The following GRM5 variants were observed in gnomAD, a reference collection of about 807,000 sequenced individuals.
The protein encoded by GRM5 is metabotropic glutamate receptor 5.
GRM5 carries 19 observed loss-of-function variants against 83.1 expected under a neutral mutation model. The observed-to-expected ratio is 0.23, with a 90% CI of 0.16 to 0.34. GRM5 has a LOEUF of 0.34. GRM5 is among the 10% of genes least tolerant of loss of function. GRM5 has a pLI of 1.00. For missense variants in GRM5, 1,160 were observed against 1,588.3 expected (o/e 0.73, Z 4.58); for synonymous variants, 675 against 633.6 (o/e 1.07, Z -0.98).
At chr11:88,523,808 C>T (rs1176898955) in intron 9 of GRM5, among the ~76,000 whole-genome samples, 3 of 152,052 alleles carry the variant, frequency 2.0e-5, no homozygotes, top group South Asian at 2.1e-4. Context: ...ATATGGTGGG[C>T]CTTGGAAAAA....
chr11:88,527,640 T>A (rs1050364634), intron 8 of GRM5, among the ~76,000 whole-genome samples: 2 of 152,134 alleles, frequency 1.3e-5, no homozygotes, highest in Non-Finnish European at 2.9e-5. Context: ...CACATCCATG[T>A]ATATGTTCAC....
At chr11:88,855,375 C>T (rs11021626) in intron 2 of GRM5, among the ~76,000 whole-genome samples, 2,762 of 151,868 alleles carry the variant, frequency 0.018, 45 homozygotes, top group East Asian at 0.068. Flanking sequence ...TTTACTAATG[C>T]TGTTCTTTCT....
rs779506168 is a variant in GRM5, at chr11:88,508,710, T to G, written c.3521A>C (p.Asp1174Ala). Residue 1174 changes from aspartate (D) to alanine (A), a missense_variant, in exon 10 of 10, where the codon GAC becomes GCC. Around this residue, in one of 9 missense-constraint regions of GRM5, gnomAD observed 562 missense variants for 532.4 expected, o/e 1.06. Transcript: ENST00000305447. This position sits in a 1 kb window ranked among gnomAD's most constrained non-coding sequence, Gnocchi z 4.2. ...CGAGTTGGGGGTTGTGCTCCCCGAGTCCACCGAGTCTCTGAAGGGGGACGG... is the reference window on the plus strand; with the variant it reads ...CGAGTTGGGGGTTGTGCTCCCCGAGGCCACCGAGTCTCTGAAGGGGGACGG... ...TPPSPFRDSVDSGSTTPNSPV... is the reference protein window; with the variant it reads ...TPPSPFRDSVASGSTTPNSPV... The G allele has an allele frequency of 5.0e-6, 8 of 1,599,668 alleles. No homozygotes were observed. Among genetic ancestry groups the G allele is most frequent in the Non-Finnish European group, 6.0e-6 (7 of 1,173,842 alleles).
At chr11:88,667,890 C>CA (rs1046430073) in intron 3 of GRM5, among the ~76,000 whole-genome samples, 8 of 138,896 alleles carry the variant, frequency 5.8e-5, no homozygotes, top group Middle Eastern at 3.5e-3. Flanking sequence ...GAGACTCTAT[C>CA]AAAAAAGAAA....
At chr11:88,517,599 A>G (rs1941557623) in intron 9 of GRM5, among the ~76,000 whole-genome samples, 1 of 152,184 alleles carries the variant, frequency 6.6e-6, no homozygotes, top group South Asian at 2.1e-4. Context: ...TAATGGGAAT[A>G]TGCCAATAAG....
chr11:88,872,569 A>G (rs1271266081), intron 2 of GRM5, among the ~76,000 whole-genome samples: 1 of 151,500 alleles, frequency 6.6e-6, no homozygotes, highest in East Asian at 1.9e-4. Context: ...ACTGCAAGGA[A>G]GGGATGAAAA....
intron 2 of GRM5, among the ~76,000 whole-genome samples, chr11:88,986,797 T>G (rs556857064): frequency 6.7e-6 from 1 of 149,694 alleles, no homozygotes; most frequent in Non-Finnish European, 1.5e-5. Flanking sequence ...AAGACCAATT[T>G]CAAGAATCTT....
intron 9 of GRM5, among the ~76,000 whole-genome samples, chr11:88,524,217 T>TC (rs60762608): frequency 0.038 from 1,898 of 49,496 alleles, 2 homozygotes; most frequent in Non-Finnish European, 0.054. Context: ...TTTCTTTCTT[T>TC]TTTTTTTTTT....
chr11:88,772,110 T>C (rs2513661), intron 3 of GRM5, among the ~76,000 whole-genome samples: 2 of 152,196 alleles, frequency 1.3e-5, no homozygotes, highest in Non-Finnish European at 2.9e-5. Flanking sequence ...CATTTTGTTT[T>C]GTTTTACTTA....
chr11:88,754,186 G>A (rs555074785), intron 3 of GRM5, among the ~76,000 whole-genome samples: 4 of 152,162 alleles, frequency 2.6e-5, no homozygotes, highest in Non-Finnish European at 4.4e-5. Flanking sequence ...TGCAGGAACA[G>A]AAAACCAAAC....
chr11:88,947,213 A>AT (rs940486228), intron 2 of GRM5, among the ~76,000 whole-genome samples: 1 of 152,032 alleles, frequency 6.6e-6, no homozygotes, highest in African/African-American at 2.4e-5. Context: ...TAATTTCCCC[A>AT]TTTTATCCTA....
chr11:88,862,661 T>C (rs1290551791), intron 2 of GRM5, among the ~76,000 whole-genome samples: 2 of 152,126 alleles, frequency 1.3e-5, no homozygotes. Context: ...TTTTTCATTT[T>C]TTTTAAGTTC....
intron 7 of GRM5, among the ~76,000 whole-genome samples, chr11:88,582,619 AAACTT>A (rs1464026393): frequency 6.6e-6 from 1 of 152,234 alleles, no homozygotes; most frequent in Non-Finnish European, 1.5e-5. Flanking sequence ...ATAATAAACT[AAACTT>A]ATTTCTCATC....
intron 3 of GRM5, among the ~76,000 whole-genome samples, chr11:88,758,609 A>G (rs1942446130): frequency 6.6e-6 from 1 of 152,210 alleles, no homozygotes; most frequent in South Asian, 2.1e-4. Flanking sequence ...GACCAAATCT[A>G]AGATTCATTG....
At chr11:88,868,130 T>C (rs1262657504) in intron 2 of GRM5, among the ~76,000 whole-genome samples, 4 of 151,870 alleles carry the variant, frequency 2.6e-5, no homozygotes, top group East Asian at 1.9e-4. Flanking sequence ...ATATCAGATA[T>C]AGTAGGCCAA....
chr11:88,922,053 G>T (rs577447701), intron 2 of GRM5, among the ~76,000 whole-genome samples: 1 of 151,904 alleles, frequency 6.6e-6, no homozygotes, highest in Non-Finnish European at 1.5e-5. Flanking sequence ...TCTCTACAAT[G>T]AAAACTAAAA....
intron 3 of GRM5, among the ~76,000 whole-genome samples, chr11:88,798,820 A>AAAAAAAAAAAAAC (rs1555017418): frequency 1.5e-4 from 20 of 136,274 alleles, no homozygotes; most frequent in South Asian, 4.8e-4. Flanking sequence ...AAAAAAAAAA[A>AAAAAAAAAAAAAC]AAAAAAACAA....
chr11:88,929,296 GC>G (rs1409350257), intron 2 of GRM5, among the ~76,000 whole-genome samples: 12 of 151,976 alleles, frequency 7.9e-5, no homozygotes, highest in African/African-American at 2.9e-4. Context: ...ATATTAATAA[GC>G]CCAATAATAA....
intron 3 of GRM5, among the ~76,000 whole-genome samples, chr11:88,834,149 G>A (rs556116946): frequency 3.9e-5 from 6 of 152,158 alleles, no homozygotes; most frequent in Non-Finnish European, 7.4e-5. Flanking sequence ...TGATAAATAC[G>A]TGAGGTGATG....
Sources: gnomAD v4.1 joint callset for allele counts (sites outside exome capture counted in the v4.1 genomes callset) on GRCh38, gnomAD v4.1.1 for gene constraint, gnomAD v4.1.1 regional missense constraint, Gnocchi (gnomAD v3.1) non-coding constraint, MANE v1.5 for transcripts, NCBI Gene and HGNC (gene_info 2026-07-23, HGNC 2026-07-21) for gene names.